The following NUDC variants were observed in gnomAD, a reference collection of about 807,000 sequenced individuals.
The protein encoded by NUDC is nuclear distribution C, dynein complex regulator.
In NUDC, 14 loss-of-function variants were observed where a neutral mutation model predicts 45.0. The observed-to-expected ratio is 0.31, with a 90% CI of 0.21 to 0.49. The LOEUF is 0.49. NUDC is among the 20% of genes least tolerant of loss of function. The pLI is 0.99. For missense variants in NUDC, 323 were observed against 426.2 expected (o/e 0.76, Z 2.13); for synonymous variants, 153 against 156.7 (o/e 0.98, Z 0.17).
At chr1:26,929,264 A>G (rs1387983601) in intron 2 of NUDC, among the ~76,000 whole-genome samples, 1 of 152,120 alleles carries the variant, frequency 6.6e-6, no homozygotes, top group South Asian at 2.1e-4. Flanking sequence ...TTTAAATGAC[A>G]GTACAATAAT....
intron 2 of NUDC, among the ~76,000 whole-genome samples, chr1:26,935,320 TA>T (rs1045408626): frequency 6.6e-6 from 1 of 152,096 alleles, no homozygotes; most frequent in Non-Finnish European, 1.5e-5. Flanking sequence ...CAGTCTAGGG[TA>T]TTCCTTCATA....
rs1353399344 is a variant in NUDC at position 26,943,202 on chromosome 1, A to C, written c.741+137A>C. ...CCCATGACAACACTCTTTAAAGTAG[A>C]TCTGTCTCTATTTTATTTTCTTAAA... On this transcript the variant is annotated intron_variant, in intron 6 of 8. Transcript: ENST00000321265. The C allele has an allele frequency of 9.7e-6, 9 of 925,188 alleles. No homozygotes were observed. The East Asian group carries it at 2.2e-4, about 23-fold the overall frequency. 57.3% of individuals were successfully genotyped at this position (925,188 alleles called of 1,614,324 possible).
chr1:26,916,994 C>T (rs189694223), upstream of NUDC, among the ~76,000 whole-genome samples: 70 of 152,234 alleles, frequency 4.6e-4, no homozygotes, highest in Non-Finnish European at 3.2e-4. Context: ...TGGTGGCTCA[C>T]GCCTGTAATC....
At chr1:26,904,073 A>AATATATATATTTGTATAAATAAAT (rs2081992629) in intron 2 of NUDC, among the ~76,000 whole-genome samples, 1 of 129,212 alleles carries the variant, frequency 7.7e-6, no homozygotes, top group South Asian at 2.2e-4. Context: ...TAAAAATACA[A>AATATATATATTTGTATAAATAAAT]AAATAAAAAT....
At chr1:26,929,628 G>A (rs538673273) in intron 2 of NUDC, 11 of 293,034 alleles carry the variant, frequency 3.8e-5, no homozygotes, top group Non-Finnish European at 8.1e-5. Context: ...TCGTGGGTAC[G>A]GTGGGACTAC....
chr1:26,903,640 G>A (rs2124046583), intron 2 of NUDC, among the ~76,000 whole-genome samples: 1 of 152,270 alleles, frequency 6.6e-6, no homozygotes, highest in African/African-American at 2.4e-5. Context: ...GGCCGAGGCA[G>A]AAGGATTGCT....
chr1:26,933,372 C>T (rs779984674), intron 2 of NUDC, among the ~76,000 whole-genome samples: 3 of 152,046 alleles, frequency 2.0e-5, no homozygotes, highest in Non-Finnish European at 4.4e-5. Flanking sequence ...GCAGGTGTTA[C>T]TCGGCAGTGT....
rs373529231 is a variant in NUDC at position 26,942,855 on chromosome 1, C to T, written c.547-16C>T. ...AGCACTTAGTGGCCTCTTCTGACTG[C>T]CTCTGCCCTATGCAGCTGGCGGTCC... On this transcript the variant is annotated splice_polypyrimidine_tract_variant and intron_variant, in intron 5 of 8. Coordinates refer to ENST00000321265, the MANE Select transcript of NUDC (RefSeq NM_006600.4). 8.1e-6 allele frequency: 13 copies of T among 1,613,808 alleles called. No individual in the cohort carries two copies. Among genetic ancestry groups the T allele is most frequent in the Non-Finnish European group, 1.1e-5 (13 of 1,180,026 alleles).
intron 3 of NUDC, among the ~76,000 whole-genome samples, chr1:26,916,079 G>T (rs1300893495): frequency 6.6e-6 from 1 of 152,028 alleles, no homozygotes; most frequent in Non-Finnish European, 1.5e-5. Context: ...ACGATTTGGA[G>T]GACCCTCTTT....
At chr1:26,906,427 G>A (rs2082003334) in intron 2 of NUDC, among the ~76,000 whole-genome samples, 1 of 152,200 alleles carries the variant, frequency 6.6e-6, no homozygotes, top group Non-Finnish European at 1.5e-5. Context: ...TCCACCCTGG[G>A]CAACAGAATG....
upstream of NUDC, among the ~76,000 whole-genome samples, chr1:26,918,200 A>G (rs1300821046): frequency 1.4e-5 from 2 of 144,192 alleles, no homozygotes; most frequent in Non-Finnish European, 3.0e-5. Context: ...AGACAGGGTC[A>G]TGCTGTATCC....
rs751780945 is a variant in NUDC, at chr1:26,913,835, G to A, written c.93+2600G>A. On this transcript the variant is annotated intron_variant, in intron 3 of 6. Coordinates refer to the NUDC transcript ENST00000435827. ...TGCTGCCTACATAGGCAGCGGCTAC[G>A]GGGTCGGGGGACAGCCTTGAGGCTG... The A allele has an allele frequency of 1.3e-4, 195 of 1,508,806 alleles. No individual in the cohort carries two copies. Among genetic ancestry groups the A allele is most frequent in the Non-Finnish European group, 1.7e-4 (188 of 1,127,728 alleles). 93.5% of individuals were successfully genotyped at this position (1,508,806 alleles called of 1,614,324 possible).
rs763777994 is a variant in NUDC, at chr1:26,946,229, C to A, written c.*48C>A. 2.6e-6 allele frequency: 4 copies of A among 1,528,552 alleles called. No homozygotes were observed. The East Asian group carries it at 6.7e-5, about 26-fold the overall frequency. 94.7% of individuals were successfully genotyped at this position (1,528,552 alleles called of 1,614,324 possible). A position where few individuals can be genotyped will look rare whatever the true frequency, so the allele number is the denominator to read the frequency against. ...CTCTTGGGGCTGAGCTGCAACCACC[C>A]AACTTTCTTTCCCACTCTTCTCTGG... On this transcript the variant is annotated 3_prime_UTR_variant, in exon 9 of 9. Coordinates refer to ENST00000321265, the MANE Select transcript of NUDC (RefSeq NM_006600.4).
intron 3 of NUDC, among the ~76,000 whole-genome samples, chr1:26,915,058 C>CATACATATATAGATAT (rs758134417): frequency 7.1e-6 from 1 of 140,552 alleles, no homozygotes; most frequent in African/African-American, 2.6e-5. Flanking sequence ...TACATACATA[C>CATACATATATAGATAT]ATATATATAT....
rs202154574 is a variant in NUDC at position 26,912,053 on chromosome 1, C to T, written c.93+818C>T. Reference sequence around the variant, plus strand: ...CCAGTGAGCCTCCTGCTGCAGGTGCCCAATGTGGGAGGCGGCTTGGAGGCC... The same window carrying T: ...CCAGTGAGCCTCCTGCTGCAGGTGCTCAATGTGGGAGGCGGCTTGGAGGCC... On this transcript the variant is annotated intron_variant, in intron 3 of 6. Coordinates refer to the NUDC transcript ENST00000435827. 2.5e-5 allele frequency: 41 copies of T among 1,614,074 alleles called. No homozygotes were observed. In the East Asian group the frequency reaches 5.6e-4, roughly 22 times the overall value.
At chr1:26,937,415 G>A (rs2082244001) in intron 2 of NUDC, among the ~76,000 whole-genome samples, 1 of 151,390 alleles carries the variant, frequency 6.6e-6, no homozygotes, top group African/African-American at 2.4e-5. Context: ...GAGTAGCTGG[G>A]ACTGCAGGCA....
intron 2 of NUDC, among the ~76,000 whole-genome samples, chr1:26,933,616 G>C (rs1557676875): frequency 6.6e-6 from 1 of 151,530 alleles, no homozygotes; most frequent in Admixed American, 6.6e-5. Context: ...GTTTCACCAT[G>C]TTGGCCAGGT....
rs567183521 is a variant in NUDC at position 26,942,240 on chromosome 1, G to A, written c.430-420G>A. Among the ~76,000 whole-genome samples the A allele has an allele frequency of 5.3e-5, 8 of 152,082 alleles. No individual in the cohort carries two copies. The South Asian group carries it at 8.3e-4, about 16-fold the overall frequency. ...CGGGAGGCGGAGGTTGCCATGAGCC[G>A]AGATCACGCCACTGCACTCCAGCCT... On this transcript the variant is annotated intron_variant, in intron 4 of 8. Coordinates refer to ENST00000321265, the MANE Select transcript of NUDC (RefSeq NM_006600.4).
At chr1:26,905,154 ATTATTTT>A (rs1160536835) in intron 2 of NUDC, among the ~76,000 whole-genome samples, 4 of 101,732 alleles carry the variant, frequency 3.9e-5, no homozygotes, top group Admixed American at 1.2e-4. Flanking sequence ...TATTATTATT[ATTATTTT>A]TTTTTTTTTT....
Sources: allele counts gnomAD v4.1 joint callset (sites outside exome capture counted in the v4.1 genomes callset), GRCh38; gene constraint gnomAD v4.1.1; transcripts MANE v1.5; gene names NCBI Gene and HGNC (gene_info 2026-07-23, HGNC 2026-07-21).